Variants in LINGO2 observed in about 807,000 individuals in gnomAD.
LINGO2 encodes leucine-rich repeat and immunoglobulin-like domain-containing nogo receptor-interacting protein 2.
LINGO2 carries 14 observed loss-of-function variants against 30.6 expected under a neutral mutation model. The observed-to-expected ratio is 0.46, with a 90% CI of 0.30 to 0.72. The LOEUF (loss-of-function observed/expected upper bound fraction) is 0.72, where lower values mean the gene tolerates loss of function less well. LINGO2 is among the 30% of genes least tolerant of loss of function. The pLI is 0.07. For missense variants in LINGO2, 729 were observed against 751.7 expected (o/e 0.97, Z 0.35); for synonymous variants, 317 against 288.5 (o/e 1.10, Z -1.00).
the LINGO2 span, among the ~76,000 whole-genome samples, chr9:29,074,974 C>A: frequency 1.3e-5 from 2 of 152,062 alleles, no homozygotes; most frequent in African/African-American, 4.8e-5. Flanking sequence ...CCGCGCCAGG[C>A]CCATTTTTTA....
the LINGO2 span, among the ~76,000 whole-genome samples, chr9:28,769,254 T>C: frequency 6.6e-6 from 1 of 151,342 alleles, no homozygotes; most frequent in South Asian, 2.1e-4. Context: ...TCCTTATCTG[T>C]ATTTCTGTAG....
the LINGO2 span, among the ~76,000 whole-genome samples, chr9:28,949,630 C>T: frequency 6.6e-6 from 1 of 152,072 alleles, no homozygotes; most frequent in Non-Finnish European, 1.5e-5. Flanking sequence ...AGCCTATCAA[C>T]CAAAAAAAGC....
intron 3 of LINGO2, among the ~76,000 whole-genome samples, chr9:28,349,072 A>C (rs1267526789): frequency 4.6e-5 from 7 of 152,038 alleles, no homozygotes; most frequent in African/African-American, 1.7e-4. Flanking sequence ...AAAAACTGGA[A>C]ACTCTAAAAA....
the LINGO2 span, among the ~76,000 whole-genome samples, chr9:28,774,442 T>A: frequency 6.6e-6 from 1 of 152,188 alleles, no homozygotes; most frequent in Non-Finnish European, 1.5e-5. Context: ...TTAGAATTAT[T>A]GTACATACAT....
chr9:28,041,507 A>C (rs1476335581), intron 4 of LINGO2, among the ~76,000 whole-genome samples: 1 of 152,166 alleles, frequency 6.6e-6, no homozygotes, highest in African/African-American at 2.4e-5. Context: ...TGTAGTTAAG[A>C]GCTACTTAGA....
At chr9:28,440,658 G>T (rs548087477) in intron 2 of LINGO2, among the ~76,000 whole-genome samples, 1 of 152,022 alleles carries the variant, frequency 6.6e-6, no homozygotes, top group African/African-American at 2.4e-5. Context: ...ATAACTAAAG[G>T]AATATAAATA....
chr9:29,191,499 T>C, the LINGO2 span, among the ~76,000 whole-genome samples: 260 of 152,274 alleles, frequency 1.7e-3, no homozygotes, highest in Non-Finnish European at 2.2e-3. Flanking sequence ...TGATTTTAAA[T>C]AACCATTCCT....
intron 2 of LINGO2, among the ~76,000 whole-genome samples, chr9:28,435,958 T>C (rs1036722836): frequency 1.3e-5 from 2 of 152,192 alleles, no homozygotes; most frequent in African/African-American, 4.8e-5. Flanking sequence ...GGTTTAACAT[T>C]CTTGCCACTT....
chr9:28,173,939 G>A (rs1158755565), intron 4 of LINGO2, among the ~76,000 whole-genome samples: 1 of 152,028 alleles, frequency 6.6e-6, no homozygotes, highest in African/African-American at 2.4e-5. Flanking sequence ...CTTTAAAATT[G>A]TATTCTTTAT....
the LINGO2 span, among the ~76,000 whole-genome samples, chr9:28,749,688 C>G: frequency 6.6e-6 from 1 of 151,912 alleles, no homozygotes; most frequent in South Asian, 2.1e-4. Context: ...CCAAGGCCAT[C>G]AAATATACCG....
the LINGO2 span, among the ~76,000 whole-genome samples, chr9:28,950,009 A>T: frequency 6.8e-6 from 1 of 147,260 alleles, no homozygotes; most frequent in South Asian, 2.2e-4. Flanking sequence ...AGCACATTAA[A>T]ACTGAATCCA....
At chr9:28,086,051 T>C (rs1403394095) in intron 4 of LINGO2, among the ~76,000 whole-genome samples, 1 of 152,086 alleles carries the variant, frequency 6.6e-6, no homozygotes. Flanking sequence ...TGCTTACCTG[T>C]ACATAGGACA....
chr9:29,145,318 G>GT, the LINGO2 span, among the ~76,000 whole-genome samples: 2 of 151,888 alleles, frequency 1.3e-5, no homozygotes, highest in Admixed American at 1.3e-4. Flanking sequence ...GAGATAGTTT[G>GT]TTTTTTCTTC....
chr9:28,257,351 C>T (rs1227265498), intron 4 of LINGO2, among the ~76,000 whole-genome samples: 3 of 151,718 alleles, frequency 2.0e-5, no homozygotes, highest in Non-Finnish European at 4.4e-5. Context: ...TGTCCACTGG[C>T]CTTTTTAAAT....
chr9:28,303,211 G>T (rs570250178), intron 3 of LINGO2, among the ~76,000 whole-genome samples: 1 of 152,246 alleles, frequency 6.6e-6, no homozygotes, highest in East Asian at 1.9e-4. Context: ...GTGTGAATAT[G>T]ATTTTATTTG....
At chr9:28,334,396 T>A (rs1280837817) in intron 3 of LINGO2, among the ~76,000 whole-genome samples, 1 of 152,168 alleles carries the variant, frequency 6.6e-6, no homozygotes, top group Non-Finnish European at 1.5e-5. Context: ...GAAGCCTAGT[T>A]AATGAATTCC....
At chr9:28,672,337 TGTATA>T (rs1829053010), upstream of LINGO2, among the ~76,000 whole-genome samples, 1 of 152,344 alleles carries the variant, frequency 6.6e-6, no homozygotes, top group South Asian at 2.1e-4. Flanking sequence ...TTTCTAAATC[TGTATA>T]GTATTCACTT....
the LINGO2 span, among the ~76,000 whole-genome samples, chr9:28,919,431 T>C: frequency 2.6e-5 from 4 of 152,156 alleles, no homozygotes; most frequent in African/African-American, 7.2e-5. Context: ...AAAAGTGCCA[T>C]GTATAACATA....
chr9:28,554,583 A>G (rs1587851133), intron 1 of LINGO2, among the ~76,000 whole-genome samples: 1 of 142,356 alleles, frequency 7.0e-6, no homozygotes, highest in African/African-American at 2.6e-5. Flanking sequence ...AACATTAGAC[A>G]GATCAACGAG....
Sources: gnomAD v4.1 joint callset for allele counts (sites outside exome capture counted in the v4.1 genomes callset) on GRCh38, gnomAD v4.1.1 for gene constraint, MANE v1.5 for transcripts, NCBI Gene and HGNC (gene_info 2026-07-23, HGNC 2026-07-21) for gene names.